The following MCM3AP variants were observed in gnomAD, a reference collection of about 807,000 sequenced individuals.
MCM3AP encodes minichromosome maintenance complex component 3 associated protein.
Under a neutral mutation model 184.1 loss-of-function variants are expected in MCM3AP, and 126 were observed. That is an observed-to-expected ratio of 0.68 (90% CI 0.59 to 0.79). The LOEUF (loss-of-function observed/expected upper bound fraction) is 0.79, where lower values mean the gene tolerates loss of function less well. MCM3AP is among the 30% of genes least tolerant of loss of function. The pLI is 0.00. For missense variants in MCM3AP, 2,496 were observed against 2,479.2 expected (o/e 1.01, Z -0.14); for synonymous variants, 1,002 against 979.3 (o/e 1.02, Z -0.43).
intron 9 of MCM3AP, among the ~76,000 whole-genome samples, chr21:46,269,087 C>T (rs553728756): frequency 8.3e-4 from 126 of 152,218 alleles, no homozygotes; most frequent in Non-Finnish European, 1.5e-3. Context: ...ATTCTACTAA[C>T]GCTCAATCAT....
intron 3 of MCM3AP, 124 bp downstream of exon 3, chr21:46,280,373 G>T: frequency 2.4e-6 from 2 of 831,560 alleles, no homozygotes; most frequent in Non-Finnish European, 3.8e-6. Flanking sequence ...TGAAAAGAGG[G>T]CCATGCACAA....
intron 23 of MCM3AP, among the ~76,000 whole-genome samples, chr21:46,243,925 T>G (rs1015588184): frequency 2.6e-5 from 4 of 152,188 alleles, no homozygotes; most frequent in African/African-American, 9.7e-5. Context: ...TTAACAGTGT[T>G]GCTAGCCAAG....
chr21:46,254,301 C>T (rs1231976940), intron 19 of MCM3AP, 91 bp downstream of exon 19: 7 of 1,400,130 alleles, frequency 5.0e-6, no homozygotes, highest in Non-Finnish European at 7.0e-6. Context: ...GAGTTCCCAT[C>T]ACACATAAGA....
intron 24 of MCM3AP, 144 bp downstream of exon 24, chr21:46,243,321 T>A: frequency 2.0e-6 from 2 of 995,182 alleles, no homozygotes; most frequent in Non-Finnish European, 3.0e-6. Flanking sequence ...TTTAAGTCAC[T>A]CACTTGAAGA....
At chr21:46,279,853 C>T (rs546299602) in intron 4 of MCM3AP, 140 bp downstream of exon 4, 103 of 775,728 alleles carry the variant, frequency 1.3e-4, no homozygotes, top group Admixed American at 3.8e-4. Flanking sequence ...GCCCCTGCCC[C>T]TCCACCCCCA....
intron 26 of MCM3AP, among the ~76,000 whole-genome samples, chr21:46,237,809 A>C (rs2080572024): frequency 8.4e-6 from 1 of 118,592 alleles, no homozygotes; most frequent in Non-Finnish European, 1.8e-5. Context: ...AATTTAAAAA[A>C]AAAAACTAGG....
At chr21:46,282,382 T>G (rs1346092403) in intron 2 of MCM3AP, among the ~76,000 whole-genome samples, 1 of 152,186 alleles carries the variant, frequency 6.6e-6, no homozygotes, top group African/African-American at 2.4e-5. Context: ...ATCATTCACT[T>G]TATAAATTTA....
rs760209164 is a variant in MCM3AP at position 46,246,899 on chromosome 21, C to A, written c.4291-13G>T. ...CGCCATGGGCCACCTGCAACAGCATCAAGATCATCAGGAGAGATGCACCAT... is the reference window on the plus strand; with the variant it reads ...CGCCATGGGCCACCTGCAACAGCATAAAGATCATCAGGAGAGATGCACCAT... On this transcript the variant is annotated splice_polypyrimidine_tract_variant and intron_variant, in intron 20 of 27. Coordinates refer to ENST00000291688, the MANE Select transcript of MCM3AP (RefSeq NM_003906.5). 2.5e-6 allele frequency: 4 copies of A among 1,612,456 alleles called. No individual in the cohort carries two copies. The African/African-American group carries it at 5.3e-5, about 22-fold the overall frequency.
chr21:46,262,833 A>G (rs1238438217), intron 13 of MCM3AP, among the ~76,000 whole-genome samples: 2 of 150,504 alleles, frequency 1.3e-5, no homozygotes, highest in Non-Finnish European at 3.0e-5. Context: ...CGGGCGAGGT[A>G]GCGGGCACCT....
rs749548268 is a variant in MCM3AP at position 46,280,091 on chromosome 21, G to A, written c.1569C>T (p.Asp523=). The A allele has an allele frequency of 2.1e-5, 34 of 1,614,062 alleles. No individual in the cohort carries two copies. Among genetic ancestry groups the A allele is most frequent in the African/African-American group, 1.9e-4 (14 of 74,932 alleles). Reference sequence around the variant, plus strand: ...CCTCTGTGCTCGGGCTGACTTCACCGTCACCTGGTTTCTTCTCCTTCAGGG... The same window carrying A: ...CCTCTGTGCTCGGGCTGACTTCACCATCACCTGGTTTCTTCTCCTTCAGGG... The part of the protein sequence containing the change: ...PFSLKEKKPG[D]GEVSPSTEDA... Residue 523 remains aspartate, a synonymous_variant, in exon 4 of 28, where the codon GAC becomes GAT. Coordinates refer to ENST00000291688, the MANE Select transcript of MCM3AP (RefSeq NM_003906.5).
At chr21:46,256,752 GGGAGCC>G in intron 17 of MCM3AP, 31 bp downstream of exon 17, 1 of 1,533,582 alleles carries the variant, frequency 6.5e-7, no homozygotes. Context: ...GTGGGGGCAG[GGGAGCC>G]CTGACGAGGC....
intron 11 of MCM3AP, 81 bp from the exon 12 acceptor site, chr21:46,265,604 C>T: frequency 1.1e-5 from 13 of 1,170,126 alleles, no homozygotes; most frequent in Non-Finnish European, 1.4e-5. Flanking sequence ...TGTGCAGGGA[C>T]AGCCCCAGGC....
At position 46,270,453 on chromosome 21, in the gene MCM3AP, A is replaced by T. The variant is rs1299831516; in HGVS notation, c.2576T>A (p.Val859Asp). 6.2e-7 allele frequency: 1 copy of T among 1,613,922 alleles called. No homozygotes were observed. The highest frequency in any genetic ancestry group is 1.3e-5 in the African/African-American group (1 of 74,934). The stretch of plus-strand genomic sequence containing the variant: ...AGCGTTCAGGTAAGAAGCTGACTGG[A>T]CCAGTTTGAAAAATCTCACAAAATT... ...SNNFVRFFKLVQSASYLNACL... is the reference protein window; with the variant it reads ...SNNFVRFFKLDQSASYLNACL... The change falls in exon 9 of 28, where the codon GTC (valine) becomes GAC (aspartate). Residue 859 changes from valine to aspartate, a missense_variant. By Grantham distance (152) the Val-to-Asp change is radical (BLOSUM62 -3). Around this residue, in one of 5 missense-constraint regions of MCM3AP, gnomAD observed 138 missense variants for 191.9 expected, o/e 0.72. Coordinates refer to ENST00000291688, the MANE Select transcript of MCM3AP (RefSeq NM_003906.5).
chr21:46,283,897 C>CA (rs1382573470), intron 1 of MCM3AP, 59 bp from the exon 2 acceptor site: 1 of 1,558,468 alleles, frequency 6.4e-7, no homozygotes, highest in African/African-American at 1.4e-5. Flanking sequence ...CAGGAGGCAC[C>CA]AACTGTGTCG....
chr21:46,279,222 A>T (rs1053738628), intron 4 of MCM3AP, among the ~76,000 whole-genome samples: 1 of 151,922 alleles, frequency 6.6e-6, no homozygotes, highest in Non-Finnish European at 1.5e-5. Context: ...CAGGAGGCAG[A>T]GGTTGCAGTG....
At position 46,251,691 on chromosome 21, in the gene MCM3AP, T is replaced by A; in HGVS notation, c.4137-9A>T. ...ACCAATTTGCTAGAATTCTACAGAT[T>A]TAAAAAAAACAAAAAACAAAAAAAA... On this transcript the variant is annotated splice_polypyrimidine_tract_variant and intron_variant, in intron 19 of 27. Transcript: ENST00000291688. 6.5e-7 allele frequency: 1 copy of A among 1,542,022 alleles called. No individual in the cohort carries two copies.
At chr21:46,246,937 C>T in intron 20 of MCM3AP, 51 bp from the exon 21 acceptor site, 1 of 1,586,296 alleles carries the variant, frequency 6.3e-7, no homozygotes, top group Non-Finnish European at 8.6e-7. Flanking sequence ...GACGCATCAG[C>T]AGTGACTGAT....
chr21:46,279,807 C>G (rs1028710986), intron 4 of MCM3AP, among the ~76,000 whole-genome samples, 186 bp downstream of exon 4: 2 of 151,596 alleles, frequency 1.3e-5, no homozygotes, highest in African/African-American at 4.9e-5. Flanking sequence ...CACACAGACC[C>G]ACCTCCTAAC....
Position 46,283,775 on chromosome 21 carries a change from C to G in MCM3AP, c.1283G>C (p.Gly428Ala). Reference protein sequence around the residue: ...NRSESTDSLGGLSPSEVTAIQ... With the variant: ...NRSESTDSLGALSPSEVTAIQ... ...GGCTGTGACTTCAGAGGGAGACAAG[C>G]CCCCAAGACTGTCTGTGCTCTCGCT... The change falls in exon 2 of 28, where the codon GGC becomes GCC. Residue 428 changes from glycine to alanine, a missense_variant. By Grantham distance (60) the Gly-to-Ala change is moderately conservative. This residue lies in a region of MCM3AP where 800 missense variants were observed against 717.1 expected (regional missense o/e 1.12). Coordinates refer to ENST00000291688, the MANE Select transcript of MCM3AP (RefSeq NM_003906.5). 1.2e-6 allele frequency: 2 copies of G among 1,614,080 alleles called. No individual in the cohort carries two copies. Among genetic ancestry groups the G allele is most frequent in the South Asian group, 2.2e-5 (2 of 91,084 alleles).
Sources: allele counts gnomAD v4.1 joint callset (sites outside exome capture counted in the v4.1 genomes callset), GRCh38; gene constraint gnomAD v4.1.1; regional missense constraint gnomAD v4.1.1; transcripts MANE v1.5; gene names NCBI Gene and HGNC (gene_info 2026-07-23, HGNC 2026-07-21).